The following NR3C2 variants were observed in gnomAD, a reference collection of about 807,000 sequenced individuals.
NR3C2 encodes the protein nuclear receptor subfamily 3 group C member 2.
A neutral mutation model predicts 86.4 loss-of-function variants in NR3C2; 15 were observed. The observed-to-expected ratio is 0.17, with a 90% CI of 0.12 to 0.27. The LOEUF is 0.27. NR3C2 is among the 10% of genes least tolerant of loss of function. The pLI is 1.00. For synonymous variants in NR3C2, 458 were observed against 450.5 expected, an observed-to-expected ratio of 1.02 and a Z score of -0.21; for missense variants, 960 against 1,195.6, an observed-to-expected ratio of 0.80 and a Z score of 2.91.
intron 2 of NR3C2, among the ~76,000 whole-genome samples, chr4:148,382,666 T>C (rs1354717558): frequency 6.6e-6 from 1 of 152,226 alleles, no homozygotes; most frequent in African/African-American, 2.4e-5. Context: ...AGGGCTAGTC[T>C]AGGTATTTTA....
In NR3C2 at chr4:148,159,666, G is replaced by A. The variant is rs111856856; in HGVS notation, c.2015-4765C>T. On this transcript the variant is annotated intron_variant, in intron 4 of 8. Coordinates refer to ENST00000358102, the MANE Select transcript of NR3C2 (RefSeq NM_000901.5). ...CACGCCCTTAACCTCTATGCTACAC[G>A]CAGTCTCTCTTCTAAACCTTTTCTC... Among the ~76,000 whole-genome samples the A allele has an allele frequency of 2.3e-3, 347 of 152,262 alleles. 2 individuals carry two copies. The highest frequency in any genetic ancestry group is 8.0e-3 in the African/African-American group (333 of 41,558).
upstream of NR3C2, among the ~76,000 whole-genome samples, chr4:148,445,153 GCACC>G (rs1750518547): frequency 6.6e-6 from 1 of 151,944 alleles, no homozygotes; most frequent in Non-Finnish European, 1.5e-5. Context: ...CCAAATGCAC[GCACC>G]CCCTTCAGCC....
Position 148,383,724 on chromosome 4 carries a change from T to A in NR3C2, c.1757+51380A>T, listed in dbSNP as rs143090179. ...TCCCAGCACTTTGGGAGGCCGAGGGTGGATCATGAGGTCAGGAGTTCAGGA... is the reference window on the plus strand; with the variant it reads ...TCCCAGCACTTTGGGAGGCCGAGGGAGGATCATGAGGTCAGGAGTTCAGGA... On this transcript the variant is annotated intron_variant, in intron 2 of 8. Transcript: ENST00000358102. Among the ~76,000 whole-genome samples the A allele has an allele frequency of 3.7e-3, 563 of 151,788 alleles. 1 individual carries two copies. The highest frequency in any genetic ancestry group is 0.013 in the African/African-American group (542 of 41,388).
intron 2 of NR3C2, among the ~76,000 whole-genome samples, chr4:148,335,121 T>C (rs1744417120): frequency 6.6e-6 from 1 of 152,196 alleles, no homozygotes; most frequent in Admixed American, 6.5e-5. Flanking sequence ...ACATTTGATA[T>C]ATTAGGTGTT....
chr4:148,391,951 C>G (rs992406599), intron 2 of NR3C2, among the ~76,000 whole-genome samples: 1 of 141,564 alleles, frequency 7.1e-6, no homozygotes, highest in Admixed American at 7.0e-5. Flanking sequence ...CAAGTAATAA[C>G]GTAGTAAAAA....
At chr4:148,233,005 T>C (rs559050832) in intron 3 of NR3C2, among the ~76,000 whole-genome samples, 1 of 152,342 alleles carries the variant, frequency 6.6e-6, no homozygotes, top group South Asian at 2.1e-4. Context: ...TAAGAGAATG[T>C]TGTGGCTGGT....
At chr4:148,315,882 C>T (rs72655302) in intron 2 of NR3C2, among the ~76,000 whole-genome samples, 270 of 152,160 alleles carry the variant, frequency 1.8e-3, no homozygotes, top group African/African-American at 6.2e-3. Flanking sequence ...AATTGTATTG[C>T]AGTAATGAAA....
chr4:148,133,455 A>C (rs1221247883), intron 6 of NR3C2, among the ~76,000 whole-genome samples: 1 of 152,172 alleles, frequency 6.6e-6, no homozygotes, highest in Non-Finnish European at 1.5e-5. Flanking sequence ...ATGGGGCTGC[A>C]AAAAGGTAGG....
At chr4:148,398,399 G>C (rs1384337556) in intron 2 of NR3C2, among the ~76,000 whole-genome samples, 1 of 152,140 alleles carries the variant, frequency 6.6e-6, no homozygotes, top group Non-Finnish European at 1.5e-5. Context: ...ACATTCTTTT[G>C]ATCAGTGTAC....
chr4:148,108,130 G>A (rs888744913), intron 8 of NR3C2, among the ~76,000 whole-genome samples: 2 of 152,036 alleles, frequency 1.3e-5, no homozygotes, highest in Admixed American at 1.3e-4. Context: ...TTTGAGACAG[G>A]TATTGCTCTG....
intron 3 of NR3C2, among the ~76,000 whole-genome samples, chr4:148,213,057 AAG>A (rs1324757260): frequency 1.3e-5 from 2 of 152,154 alleles, no homozygotes; most frequent in East Asian, 3.8e-4. Context: ...AAGTTTTGTG[AAG>A]AGGTCATCTT....
Position 148,094,743 on chromosome 4 carries a change from AC to A in NR3C2, c.2800-13245del, listed in dbSNP as rs1231539753. Among the ~76,000 whole-genome samples the A allele has an allele frequency of 7.3e-3, 993 of 136,668 alleles. 10 individuals are homozygous for A. Among genetic ancestry groups the A allele is most frequent in the African/African-American group, 0.03 (927 of 30,616 alleles). The allele number at this position is 136,668 out of a possible 152,430, so 89.7% of individuals were successfully genotyped here. ...AAAAAAAAACAAAAAAAACAAAAAA[AC>A]AAAAAAAAAACAAAATATGTTCACA... On this transcript the variant is annotated intron_variant, in intron 8 of 8. Transcript: ENST00000358102.
chr4:148,317,014 A>T (rs1158952570), intron 2 of NR3C2, among the ~76,000 whole-genome samples: 1 of 152,102 alleles, frequency 6.6e-6, no homozygotes, highest in Admixed American at 6.5e-5. Flanking sequence ...GCTGGTCTCA[A>T]ACTCCTGGGC....
At chr4:148,156,638 T>A (rs1187393988) in intron 4 of NR3C2, among the ~76,000 whole-genome samples, 11 of 152,040 alleles carry the variant, frequency 7.2e-5, no homozygotes, top group African/African-American at 2.7e-4. Context: ...TGGCAATCAT[T>A]AAAAAGTCAG....
intron 4 of NR3C2, among the ~76,000 whole-genome samples, chr4:148,192,524 G>C (rs1736244997): frequency 6.6e-6 from 1 of 152,156 alleles, no homozygotes; most frequent in Non-Finnish European, 1.5e-5. Flanking sequence ...AACTGTGATG[G>C]GTGGGGCCTA....
intron 6 of NR3C2, among the ~76,000 whole-genome samples, chr4:148,149,049 T>C (rs528293057): frequency 1.3e-5 from 2 of 152,318 alleles, no homozygotes; most frequent in African/African-American, 4.8e-5. Flanking sequence ...TTGATGCAAT[T>C]TGACCAAAAG....
intron 2 of NR3C2, among the ~76,000 whole-genome samples, chr4:148,424,643 C>T (rs1424870272): frequency 6.6e-6 from 1 of 151,660 alleles, no homozygotes; most frequent in African/African-American, 2.4e-5. Flanking sequence ...ATGGATGAAT[C>T]TCAAGTGCAT....
intron 2 of NR3C2, among the ~76,000 whole-genome samples, chr4:148,426,700 TA>T (rs1167916757): frequency 6.6e-6 from 1 of 152,214 alleles, no homozygotes; most frequent in African/African-American, 2.4e-5. Context: ...CTTGAGTCAC[TA>T]CATACATTCC....
intron 2 of NR3C2, among the ~76,000 whole-genome samples, chr4:148,288,901 T>C (rs1741662234): frequency 6.6e-6 from 1 of 152,134 alleles, no homozygotes; most frequent in Non-Finnish European, 1.5e-5. Flanking sequence ...AGTTTAGTGC[T>C]AAAGGAATGT....
Sources: allele counts gnomAD v4.1 joint callset (sites outside exome capture counted in the v4.1 genomes callset), GRCh38; gene constraint gnomAD v4.1.1; transcripts MANE v1.5; gene names NCBI Gene and HGNC (gene_info 2026-07-23, HGNC 2026-07-21).